The following RBM19 variants were observed in gnomAD, a reference collection of about 807,000 sequenced individuals.
RBM19 encodes the protein probable RNA-binding protein 19.
In RBM19, 94 loss-of-function variants were observed where a neutral mutation model predicts 116.8. That is an observed-to-expected ratio of 0.80 (90% confidence interval 0.68 to 0.95). The LOEUF (loss-of-function observed/expected upper bound fraction) is 0.95, where lower values mean the gene tolerates loss of function less well. Ranked by LOEUF, RBM19 falls within the 40% of genes least tolerant of loss-of-function variation. The probability of loss-of-function intolerance (pLI) is 0.00; values close to 1 mark genes in which losing one functional copy is unlikely to be tolerated. For synonymous variants in RBM19, 475 were observed against 494.1 expected (o/e 0.96, Z 0.51); for missense variants, 1,161 against 1,220.7 (o/e 0.95, Z 0.73).
At chr12:113,890,056 TAATTC>T (rs1454142165) in intron 21 of RBM19, among the ~76,000 whole-genome samples, 1 of 152,234 alleles carries the variant, frequency 6.6e-6, no homozygotes, top group Non-Finnish European at 1.5e-5. Flanking sequence ...GTAACCTCGC[TAATTC>T]AATAAATGAA....
In RBM19 at chr12:113,946,489, A is replaced by C. The variant is rs772040085; in HGVS notation, c.1408-14T>G. The C allele has an allele frequency of 6.2e-7, 1 of 1,614,122 alleles. No homozygotes were observed. Among genetic ancestry groups the C allele is most frequent in the African/African-American group, 1.3e-5 (1 of 75,032 alleles). On this transcript the variant is annotated splice_polypyrimidine_tract_variant and intron_variant, in intron 11 of 23. Transcript: ENST00000261741. Reference sequence around the variant, plus strand: ...GAGCATCCTGCCCTGGATGGGAATGACGGGAAGGGAGTAAACAGAAGCCTT... The same window carrying C: ...GAGCATCCTGCCCTGGATGGGAATGCCGGGAAGGGAGTAAACAGAAGCCTT...
At chr12:113,857,927 G>C (rs1878034923) in intron 22 of RBM19, among the ~76,000 whole-genome samples, 1 of 152,228 alleles carries the variant, frequency 6.6e-6, no homozygotes, top group East Asian at 1.9e-4. Context: ...GGGGATCCCA[G>C]CCATTAATGA....
At chr12:113,935,098 G>C (rs1438526471) in intron 16 of RBM19, among the ~76,000 whole-genome samples, 2 of 152,142 alleles carry the variant, frequency 1.3e-5, no homozygotes, top group South Asian at 4.1e-4. Context: ...AAGTGTTAGA[G>C]AAAAAAGAAG....
In RBM19 at chr12:113,957,786, G is replaced by GCTCTGGCCTC; in HGVS notation, c.826_835dup (p.Ala279GlyfsTer57). On this transcript the variant is annotated frameshift_variant, in exon 6 of 24. Coordinates refer to ENST00000261741, the MANE Select transcript of RBM19 (RefSeq NM_016196.4). LOFTEE classifies it high-confidence loss of function. ...ACCTGCGGGATACACACGCACCTCGGCTCTGGCCTCCGGTGGTCTCTTTTT... is the reference window on the plus strand; with the variant it reads ...ACCTGCGGGATACACACGCACCTCGGCTCTGGCCTCCTCTGGCCTCCGGTGGTCTCTTTTT... 6.3e-7 allele frequency: 1 copy of GCTCTGGCCTC among 1,588,284 alleles called. No homozygotes were observed. Among genetic ancestry groups the GCTCTGGCCTC allele is most frequent in the Non-Finnish European group, 8.6e-7 (1 of 1,166,050 alleles).
chr12:113,855,607 T>A lies in RBM19; in HGVS notation c.2664+3184A>T, dbSNP rs114068697. Among the ~76,000 whole-genome samples, 909 of 152,218 alleles carry A rather than the reference T, an allele frequency of 6.0e-3. 13 individuals are homozygous for A. Among genetic ancestry groups the A allele is most frequent in the African/African-American group, 0.021 (880 of 41,530 alleles). ...GAAGGGTTTTTGAAGGAAATCTCCT[T>A]CCCTAAGAGCTTCAACAGGGGGAGG... On this transcript the variant is annotated intron_variant, in intron 22 of 23. Coordinates refer to ENST00000261741, the MANE Select transcript of RBM19 (RefSeq NM_016196.4).
At chr12:113,884,296 T>TACAC (rs773074612) in intron 21 of RBM19, among the ~76,000 whole-genome samples, 7,176 of 81,194 alleles carry the variant, frequency 0.088, 291 homozygotes, top group East Asian at 0.31. Flanking sequence ...AAAAAAAAAG[T>TACAC]ATACACACAC....
chr12:113,820,434 G>T (rs996123640), downstream of RBM19, among the ~76,000 whole-genome samples: 1 of 152,096 alleles, frequency 6.6e-6, no homozygotes, highest in African/African-American at 2.4e-5. Flanking sequence ...GGGCCCTGGG[G>T]TGGGAGCCTG....
intron 17 of RBM19, 76 bp from the exon 18 acceptor site, chr12:113,924,833 C>T (rs529277284): frequency 1.6e-6 from 2 of 1,266,196 alleles, no homozygotes; most frequent in African/African-American, 1.5e-5. Flanking sequence ...AAACACTATA[C>T]CCCCAAATTT....
intron 22 of RBM19, among the ~76,000 whole-genome samples, chr12:113,847,240 T>C (rs1183327250): frequency 6.6e-6 from 1 of 152,190 alleles, no homozygotes; most frequent in African/African-American, 2.4e-5. Context: ...GACTAGAACA[T>C]GCATCTTTTT....
intron 21 of RBM19, among the ~76,000 whole-genome samples, chr12:113,902,044 A>G (rs1294961905): frequency 6.6e-6 from 1 of 152,332 alleles, no homozygotes; most frequent in East Asian, 1.9e-4. Flanking sequence ...GTTTCCCTCA[A>G]TGGTGACATC....
chr12:113,867,684 C>A (rs1878925592), intron 21 of RBM19, among the ~76,000 whole-genome samples: 1 of 152,152 alleles, frequency 6.6e-6, no homozygotes, highest in Middle Eastern at 3.2e-3. Context: ...ACTCTGGGAG[C>A]CCAAGGTGGG....
intron 21 of RBM19, among the ~76,000 whole-genome samples, chr12:113,905,517 AG>A (rs1253689996): frequency 5.3e-5 from 8 of 152,294 alleles, no homozygotes; most frequent in African/African-American, 1.9e-4. Context: ...AGAAAAATAT[AG>A]GTGGCCACCT....
In RBM19 at chr12:113,947,274, C is replaced by T. The variant is rs553614345; in HGVS notation, c.1407+60G>A. 1.6e-5 allele frequency: 25 copies of T among 1,523,670 alleles called. No homozygotes were observed. The South Asian group carries it at 3.1e-4, about 19-fold the overall frequency. 94.4% of individuals were successfully genotyped at this position (1,523,670 alleles called of 1,614,324 possible). The stretch of plus-strand genomic sequence containing the variant: ...CACACACATACACACACACACACAC[C>T]AGCCTTTCCCGACCATGTGAGCCCC... On this transcript the variant is annotated intron_variant, in intron 11 of 23. Coordinates refer to ENST00000261741, the MANE Select transcript of RBM19 (RefSeq NM_016196.4).
At chr12:113,861,625 A>T (rs1040317667) in intron 21 of RBM19, among the ~76,000 whole-genome samples, 46 of 152,114 alleles carry the variant, frequency 3.0e-4, no homozygotes, top group African/African-American at 1.1e-3. Flanking sequence ...TCTGCAGCAC[A>T]CTGCAAGCTG....
chr12:113,900,616 C>T (rs558336609), intron 21 of RBM19, among the ~76,000 whole-genome samples: 1 of 152,334 alleles, frequency 6.6e-6, no homozygotes, highest in East Asian at 1.9e-4. Flanking sequence ...TCCTGACTCC[C>T]TGGCTAGTGT....
At chr12:113,831,233 G>A (rs1425294604) in intron 23 of RBM19, among the ~76,000 whole-genome samples, 1 of 150,842 alleles carries the variant, frequency 6.6e-6, no homozygotes, top group Non-Finnish European at 1.5e-5. Context: ...AATTTCAGCC[G>A]ACAACTTGCC....
chr12:113,916,082 C>G (rs556941009), intron 20 of RBM19, among the ~76,000 whole-genome samples: 3 of 152,248 alleles, frequency 2.0e-5, no homozygotes, highest in Admixed American at 1.3e-4. Context: ...TGGCAGCCAC[C>G]AGCCACATGT....
chr12:113,952,658 G>A (rs1385855532), intron 7 of RBM19, 68 bp from the exon 8 acceptor site: 21 of 1,276,568 alleles, frequency 1.6e-5, no homozygotes, highest in Non-Finnish European at 2.4e-5. Flanking sequence ...AAAAGACATG[G>A]GGCAAATTTC....
chr12:113,939,363 A>T (rs1307687286), intron 15 of RBM19, among the ~76,000 whole-genome samples: 3 of 152,130 alleles, frequency 2.0e-5, no homozygotes, highest in African/African-American at 7.2e-5. Context: ...TAAAATTAAA[A>T]TGCTAATCCA....
Sources: gnomAD v4.1 joint callset for allele counts (sites outside exome capture counted in the v4.1 genomes callset) on GRCh38, gnomAD v4.1.1 for gene constraint, MANE v1.5 for transcripts, NCBI Gene and HGNC (gene_info 2026-07-23, HGNC 2026-07-21) for gene names.